Variants in KAZN observed in about 807,000 individuals in gnomAD.
The protein encoded by KAZN is kazrin.
In KAZN, 40 loss-of-function variants were observed where a neutral mutation model predicts 87.4. The observed-to-expected ratio is 0.46, with a 90% CI of 0.36 to 0.60. The LOEUF is 0.60. Among genes scored for constraint, KAZN ranks in the 20% least tolerant of loss-of-function variants. The pLI is 0.00. For missense variants in KAZN, 898 were observed against 1,073.9 expected (o/e 0.84, Z 2.29); for synonymous variants, 466 against 458.3 (o/e 1.02, Z -0.22).
At chr1:14,078,112 G>A (rs1361510260) in intron 1 of KAZN, among the ~76,000 whole-genome samples, 4 of 152,188 alleles carry the variant, frequency 2.6e-5, no homozygotes, top group Non-Finnish European at 5.9e-5. Context: ...ATGTATTCTT[G>A]CACCTTCTGT....
rs1362335397 is a variant in KAZN, at chr1:14,923,177, A to G, written c.227-37507A>G. ...CCTACAAGGGGAGGCTGGGGGCTCC[A>G]TGAGTGTGTGACTGACTCCTCACCT... On this transcript the variant is annotated intron_variant, in intron 1 of 14. Coordinates refer to ENST00000376030, the MANE Select transcript of KAZN (RefSeq NM_201628.3). This position sits in a 1 kb window ranked among gnomAD's most constrained non-coding sequence, Gnocchi z 4.2. 1.3e-5 allele frequency among the ~76,000 whole-genome samples: 2 copies of G among 152,202 alleles called. No homozygotes were observed. Among genetic ancestry groups the G allele is most frequent in the Non-Finnish European group, 2.9e-5 (2 of 68,036 alleles).
chr1:14,155,663 T>C (rs760491083), intron 1 of KAZN, among the ~76,000 whole-genome samples: 3 of 150,996 alleles, frequency 2.0e-5, no homozygotes, highest in Non-Finnish European at 4.4e-5. Flanking sequence ...TCTTCTTCTT[T>C]TTTTGAGACA....
At chr1:14,615,123 A>G (rs1411523405) in intron 1 of KAZN, among the ~76,000 whole-genome samples, 1 of 152,232 alleles carries the variant, frequency 6.6e-6, no homozygotes, top group Non-Finnish European at 1.5e-5. Flanking sequence ...AAGGAAATTG[A>G]GTTTATTCTT....
chr1:14,627,335 T>C (rs924089830), intron 1 of KAZN, among the ~76,000 whole-genome samples: 1 of 151,984 alleles, frequency 6.6e-6, no homozygotes, highest in Non-Finnish European at 1.5e-5. Context: ...AGGAGGCCTC[T>C]GTAGCTGGGG....
At chr1:14,188,342 G>A (rs180936249) in intron 2 of KAZN, among the ~76,000 whole-genome samples, 1 of 151,996 alleles carries the variant, frequency 6.6e-6, no homozygotes, top group African/African-American at 2.4e-5. Context: ...CTGAGATGTT[G>A]CAAAAGATAT....
At chr1:14,739,278 T>C (rs1324638256) in intron 1 of KAZN, among the ~76,000 whole-genome samples, 1 of 152,158 alleles carries the variant, frequency 6.6e-6, no homozygotes, top group Admixed American at 6.5e-5. Flanking sequence ...ACAAATGGTT[T>C]CCATTGTCAA....
intron 2 of KAZN, among the ~76,000 whole-genome samples, chr1:14,296,107 C>A (rs1373193476): frequency 3.9e-5 from 6 of 152,148 alleles, no homozygotes; most frequent in Non-Finnish European, 8.8e-5. Flanking sequence ...AAAGTAGTGC[C>A]AAGCTTAGAG....
upstream of KAZN, chr1:14,598,599 G>T (rs966851642): frequency 2.0e-6 from 2 of 1,003,366 alleles, no homozygotes; most frequent in Non-Finnish European, 2.4e-6. This position sits in a 1 kb window ranked among gnomAD's most constrained non-coding sequence, Gnocchi z 4.2. Context: ...GGCCAAGGGT[G>T]CCCCCAGCCT....
At chr1:14,764,147 G>A (rs766130988) in intron 1 of KAZN, among the ~76,000 whole-genome samples, 3 of 152,086 alleles carry the variant, frequency 2.0e-5, no homozygotes, top group Non-Finnish European at 2.9e-5. Context: ...TGGTAGGTGG[G>A]CCTCCTGGGA....
chr1:14,818,453 T>C (rs1371173698), intron 1 of KAZN, among the ~76,000 whole-genome samples: 1 of 152,210 alleles, frequency 6.6e-6, no homozygotes, highest in Non-Finnish European at 1.5e-5. Context: ...CGATACCACC[T>C]CTACTTCTTC....
chr1:14,031,314 G>T (rs1191244472), intron 1 of KAZN, among the ~76,000 whole-genome samples: 1 of 152,190 alleles, frequency 6.6e-6, no homozygotes, highest in Admixed American at 6.6e-5. Flanking sequence ...AGGATTCCCA[G>T]AACAAATAAT....
At chr1:13,997,222 A>C (rs749242898) in intron 1 of KAZN, among the ~76,000 whole-genome samples, 3 of 152,176 alleles carry the variant, frequency 2.0e-5, no homozygotes, top group African/African-American at 4.8e-5. Flanking sequence ...TCCAAGTGTC[A>C]GCAGCCTCAA....
intron 2 of KAZN, among the ~76,000 whole-genome samples, chr1:14,508,829 C>G (rs2148441427): frequency 6.6e-6 from 1 of 152,310 alleles, no homozygotes; most frequent in South Asian, 2.1e-4. Context: ...TGCAGTGGAT[C>G]CAGCCTGGAG....
chr1:14,200,111 A>G (rs901795898), intron 2 of KAZN, among the ~76,000 whole-genome samples: 1 of 152,084 alleles, frequency 6.6e-6, no homozygotes, highest in African/African-American at 2.4e-5. Context: ...TTTAAACCCT[A>G]TCTCTTGCTC....
chr1:14,112,548 G>C (rs890458305), intron 1 of KAZN, among the ~76,000 whole-genome samples: 1 of 152,190 alleles, frequency 6.6e-6, no homozygotes, highest in Non-Finnish European at 1.5e-5. Context: ...ACCCTTGTAT[G>C]ATCACTTCTC....
In KAZN at chr1:14,717,867, G is replaced by A. The variant is rs541585536; in HGVS notation, c.226+118644G>A. Among the ~76,000 whole-genome samples, 11 of 152,260 alleles carry A rather than the reference G, an allele frequency of 7.2e-5. No homozygotes were observed. In the South Asian group the frequency reaches 8.3e-4, roughly 11 times the overall value. On this transcript the variant is annotated intron_variant, in intron 1 of 14. Coordinates refer to ENST00000376030, the MANE Select transcript of KAZN (RefSeq NM_201628.3). ...TGTGGATGCGCTTCCACTGCACACC[G>A]ACCCCCACCCCTGCTGCACCCGAAA... is the stretch of plus-strand genomic sequence containing the variant.
chr1:14,247,942 G>A (rs988616091), intron 2 of KAZN, among the ~76,000 whole-genome samples: 1 of 152,136 alleles, frequency 6.6e-6, no homozygotes, highest in Non-Finnish European at 1.5e-5. Flanking sequence ...GAAGTACTGA[G>A]CCTGCTGACA....
At chr1:15,027,226 C>T (rs995021561) in intron 2 of KAZN, among the ~76,000 whole-genome samples, 2 of 151,988 alleles carry the variant, frequency 1.3e-5, no homozygotes, top group South Asian at 2.1e-4. Context: ...GGACTACAGG[C>T]GCCCGCACCA....
intron 1 of KAZN, among the ~76,000 whole-genome samples, chr1:14,789,863 G>A (rs1645622588): frequency 6.7e-6 from 1 of 149,868 alleles, no homozygotes; most frequent in Non-Finnish European, 1.5e-5. Context: ...CTTATGCTCT[G>A]GCTACAAATT....
Sources: allele counts gnomAD v4.1 joint callset (sites outside exome capture counted in the v4.1 genomes callset), GRCh38; gene constraint gnomAD v4.1.1; non-coding constraint Gnocchi (gnomAD v3.1); transcripts MANE v1.5; gene names NCBI Gene and HGNC (gene_info 2026-07-23, HGNC 2026-07-21).